VIPR2: variants seen among roughly 807,000 people sequenced by gnomAD.
VIPR2 encodes the protein vasoactive intestinal peptide receptor 2.
VIPR2 carries 48 observed loss-of-function variants against 58.0 expected under a neutral mutation model. The ratio of observed to expected loss-of-function variants is 0.83; its 90% CI spans 0.66 to 1.05. VIPR2 has a LOEUF of 1.05. Among genes scored for constraint, VIPR2 ranks in the 50% least tolerant of loss-of-function variants. The probability of loss-of-function intolerance (pLI) is 0.00; values close to 1 mark genes in which losing one functional copy is unlikely to be tolerated. For synonymous variants in VIPR2, 243 were observed against 235.2 expected (o/e 1.03, Z -0.30); for missense variants, 534 against 558.0 (o/e 0.96, Z 0.43).
intron 2 of VIPR2, among the ~76,000 whole-genome samples, chr7:159,122,043 C>A (rs752724816): frequency 1.3e-5 from 2 of 152,330 alleles, no homozygotes; most frequent in East Asian, 3.9e-4. Flanking sequence ...TGCTAGCAAC[C>A]GCACAGGTGA....
intron 5 of VIPR2, among the ~76,000 whole-genome samples, chr7:159,043,619 T>C (rs1854477749): frequency 6.6e-6 from 1 of 152,232 alleles, no homozygotes; most frequent in African/African-American, 2.4e-5. Flanking sequence ...GCAGAGGGCA[T>C]GCTGTCTTTA....
chr7:159,124,188 T>C (rs140225580), intron 2 of VIPR2, among the ~76,000 whole-genome samples: 165 of 152,354 alleles, frequency 1.1e-3, no homozygotes, highest in African/African-American at 3.9e-3. Flanking sequence ...TTGTTGCAAT[T>C]GCTTTTGGTG....
At position 159,096,773 on chromosome 7, in the gene VIPR2, T is replaced by C; in HGVS notation, c.357+6984A>G. 2.8e-6 allele frequency: 4 copies of C among 1,410,366 alleles called. No individual in the cohort carries two copies. The highest frequency in any genetic ancestry group is 3.7e-6 in the Non-Finnish European group (4 of 1,077,580). The allele number at this position is 1,410,366 out of a possible 1,614,324, so 87.4% of individuals were successfully genotyped here. A position where few individuals can be genotyped will look rare whatever the true frequency, so the allele number is the denominator to read the frequency against. On this transcript the variant is annotated intron_variant, in intron 4 of 12. Transcript: ENST00000262178. The surrounding 1 kb of genome is among the most constrained non-coding windows in gnomAD (Gnocchi z 5.5). The stretch of plus-strand genomic sequence containing the variant: ...CTGCCTGTGGCCAGATTTCTGCCCC[T>C]GCCTGAGGTCAGTCTCGTGGCCCCC...
rs1451340110 is a variant in VIPR2, at chr7:159,030,488, C to A, written c.*128G>T. The A allele has an allele frequency of 8.5e-7, 1 of 1,181,884 alleles. No individual in the cohort carries two copies. Among genetic ancestry groups the A allele is most frequent in the Non-Finnish European group, 1.1e-6 (1 of 880,510 alleles). 73.2% of individuals were successfully genotyped at this position (1,181,884 alleles called of 1,614,324 possible). The stretch of plus-strand genomic sequence containing the variant: ...GGGGTTTAGTGGACAACCAGCTTGA[C>A]GGAGTCAGGACCGCGCTGACCTGCC... On this transcript the variant is annotated 3_prime_UTR_variant, in exon 13 of 13. Coordinates refer to ENST00000262178, the MANE Select transcript of VIPR2 (RefSeq NM_003382.5).
intron 2 of VIPR2, chr7:159,117,244 G>A: frequency 1.4e-6 from 1 of 705,408 alleles, no homozygotes; most frequent in Admixed American, 2.0e-5. Flanking sequence ...CATGGGACTT[G>A]CTTTATCACC....
chr7:159,034,912 C>T (rs566372083), intron 8 of VIPR2, among the ~76,000 whole-genome samples: 39 of 152,262 alleles, frequency 2.6e-4, no homozygotes, highest in African/African-American at 4.1e-4. Flanking sequence ...GGGCTGCTGA[C>T]GCCCTCCACT....
At chr7:159,079,576 C>T (rs1174021071) in intron 4 of VIPR2, among the ~76,000 whole-genome samples, 1 of 152,124 alleles carries the variant, frequency 6.6e-6, no homozygotes, top group African/African-American at 2.4e-5. Flanking sequence ...CAAGAGCAAA[C>T]ACATTCAAAA....
At chr7:159,081,969 G>A (rs1463337061) in intron 4 of VIPR2, among the ~76,000 whole-genome samples, 3 of 152,148 alleles carry the variant, frequency 2.0e-5, no homozygotes, top group Admixed American at 6.5e-5. Context: ...GAAACAACAG[G>A]TGCTGGAGAG....
chr7:159,074,113 T>C (rs1856533644), intron 4 of VIPR2, among the ~76,000 whole-genome samples: 1 of 152,238 alleles, frequency 6.6e-6, no homozygotes, highest in Non-Finnish European at 1.5e-5. Flanking sequence ...TGCTTGTGGA[T>C]CATGTAAGTC....
At chr7:159,053,110 T>A (rs1485012363) in intron 5 of VIPR2, among the ~76,000 whole-genome samples, 18 of 152,124 alleles carry the variant, frequency 1.2e-4, no homozygotes, top group Non-Finnish European at 2.2e-4. Context: ...AAGAGGTTTG[T>A]CTTTTTTTTT....
rs1184328713 is a variant in VIPR2 at position 159,099,550 on chromosome 7, C to A, written c.357+4207G>T. On this transcript the variant is annotated intron_variant, in intron 4 of 12. Coordinates refer to ENST00000262178, the MANE Select transcript of VIPR2 (RefSeq NM_003382.5). This position sits in a 1 kb window ranked among gnomAD's most constrained non-coding sequence, Gnocchi z 4.2. ...CAGGCTGGGGCTCAGAAAGGAGGTT[C>A]CCAGGGAATGCTTATTGAATAAAGG... Among the ~76,000 whole-genome samples the A allele has an allele frequency of 6.6e-6, 1 of 152,110 alleles. No homozygotes were observed. The highest frequency in any genetic ancestry group is 1.5e-5 in the Non-Finnish European group (1 of 68,026).
intron 4 of VIPR2, 133 bp downstream of exon 4, chr7:159,103,624 G>C: frequency 1.4e-6 from 1 of 690,954 alleles, no homozygotes; most frequent in Non-Finnish European, 2.5e-6. Flanking sequence ...AACTTGGAAA[G>C]CAGAAAGTAG....
rs1424259082 is a variant in VIPR2, at chr7:159,038,070, T to TTA, written c.598-1170_598-1169dup. ...CTTTTTTATATATGGGTGGGTATAC[T>TTA]TATATATATGGGTGGATACACTTAT... On this transcript the variant is annotated intron_variant, in intron 6 of 12. Transcript: ENST00000262178. 2.6e-5 allele frequency among the ~76,000 whole-genome samples: 4 copies of TTA among 152,174 alleles called. No homozygotes were observed. In the South Asian group the frequency reaches 6.2e-4, roughly 24 times the overall value.
chr7:159,086,795 C>T (rs879937109), intron 4 of VIPR2, among the ~76,000 whole-genome samples: 16 of 152,228 alleles, frequency 1.1e-4, no homozygotes, highest in Non-Finnish European at 1.6e-4. Flanking sequence ...AAAGCCATGA[C>T]TCCTCAGTGA....
In VIPR2 at chr7:159,031,967, G is replaced by C. The variant is rs1444131836; in HGVS notation, c.1072C>G (p.Leu358Val). The C allele has an allele frequency of 1.2e-6, 2 of 1,614,084 alleles. No homozygotes were observed. Among genetic ancestry groups the C allele is most frequent in the Non-Finnish European group, 1.7e-6 (2 of 1,180,050 alleles). Residue 358 changes from leucine (L) to valine (V), a missense_variant, in exon 11 of 13, where the codon CTG (leucine) becomes GTG (valine). By Grantham distance (32) the Leu-to-Val change is conservative. Coordinates refer to ENST00000262178, the MANE Select transcript of VIPR2 (RefSeq NM_003382.5). The surrounding 1 kb of genome is among the most constrained non-coding windows in gnomAD (Gnocchi z 4.0). ...PISISSKYQI[L>V]FELCLGSFQG... ...AACGACCCGAGGCACAGCTCAAACA[G>C]TATCTGGTATTTGGAGGAGATGCTG...
chr7:159,084,460 C>A (rs1275141887), intron 4 of VIPR2, among the ~76,000 whole-genome samples: 1 of 152,204 alleles, frequency 6.6e-6, no homozygotes, highest in Non-Finnish European at 1.5e-5. Flanking sequence ...AGTGACAGCA[C>A]CCTCCCTTGG....
chr7:159,078,673 A>G (rs1213429146), intron 4 of VIPR2, among the ~76,000 whole-genome samples: 2 of 152,234 alleles, frequency 1.3e-5, no homozygotes, highest in African/African-American at 2.4e-5. Context: ...CCAGATTTAC[A>G]TTAGGCAACC....
intron 4 of VIPR2, among the ~76,000 whole-genome samples, chr7:159,065,242 A>G (rs990536938): frequency 1.2e-4 from 19 of 152,218 alleles, no homozygotes; most frequent in African/African-American, 4.6e-4. Flanking sequence ...AGCCTTGGAC[A>G]GCGTCATGCT....
chr7:159,035,163 A>G (rs1336913647), intron 8 of VIPR2, among the ~76,000 whole-genome samples: 4 of 152,194 alleles, frequency 2.6e-5, no homozygotes, highest in Non-Finnish European at 2.9e-5. Flanking sequence ...GATTCTCCCC[A>G]GGGTCCACAC....
Sources: gnomAD v4.1 joint callset for allele counts (sites outside exome capture counted in the v4.1 genomes callset) on GRCh38, gnomAD v4.1.1 for gene constraint, Gnocchi (gnomAD v3.1) non-coding constraint, MANE v1.5 for transcripts, NCBI Gene and HGNC (gene_info 2026-07-23, HGNC 2026-07-21) for gene names.